Variants in HERC3 observed in about 807,000 individuals in gnomAD.
HERC3 encodes the protein HECT and RLD domain containing E3 ubiquitin protein ligase 3, also known as probable E3 ubiquitin-protein ligase HERC3.
HERC3 carries 58 observed loss-of-function variants against 129.9 expected under a neutral mutation model. That is an observed-to-expected ratio of 0.45 (90% CI 0.36 to 0.56). The LOEUF is 0.56. Ranked by LOEUF, HERC3 falls within the 20% of genes least tolerant of loss-of-function variation. The pLI, the probability that HERC3 is intolerant of heterozygous loss-of-function variation, is 0.00. For synonymous variants in HERC3, 430 were observed against 451.0 expected, an observed-to-expected ratio of 0.95 and a Z score of 0.59; for missense variants, 835 against 1,244.2, an observed-to-expected ratio of 0.67 and a Z score of 4.95.
At chr4:88,545,140 G>C in the HERC3 span, among the ~76,000 whole-genome samples, 1 of 152,118 alleles carries the variant, frequency 6.6e-6, no homozygotes, top group Non-Finnish European at 1.5e-5. Context: ...ACACAGTCCT[G>C]TCCATATCAC....
At chr4:88,693,604 C>T (rs1446747683) in intron 23 of HERC3, 1 of 949,108 alleles carries the variant, frequency 1.1e-6, no homozygotes. Flanking sequence ...CTGAATTGTT[C>T]CCTTTAAAAT....
intron 3 of HERC3, among the ~76,000 whole-genome samples, chr4:88,642,094 G>GCA (rs1341119833): frequency 7.2e-6 from 1 of 139,220 alleles, no homozygotes; most frequent in Non-Finnish European, 1.5e-5. Context: ...TCACACCATT[G>GCA]CACTCCAGCT....
In HERC3 at chr4:88,668,010, A is replaced by G. The variant is rs1288430571; in HGVS notation, c.1562A>G (p.Tyr521Cys). ...TTTCCCCTACTCCAGGATTCCAAGTATTATATAACATTGACTATTCCCTTG... is the reference window on the plus strand; with the variant it reads ...TTTCCCCTACTCCAGGATTCCAAGTGTTATATAACATTGACTATTCCCTTG... ...PEFPLLQDSK[Y>C]YITLTIPLAM... Residue 521 changes from tyrosine (Y) to cysteine (C), a missense_variant, in exon 14 of 26, where the codon TAT becomes TGT. Coordinates refer to ENST00000402738, the MANE Select transcript of HERC3 (RefSeq NM_014606.3). 6.2e-7 allele frequency: 1 copy of G among 1,613,538 alleles called. No homozygotes were observed. Among genetic ancestry groups the G allele is most frequent in the Non-Finnish European group, 8.5e-7 (1 of 1,179,496 alleles).
At chr4:88,623,129 G>A (rs1725723695) in intron 3 of HERC3, among the ~76,000 whole-genome samples, 1 of 152,200 alleles carries the variant, frequency 6.6e-6, no homozygotes, top group African/African-American at 2.4e-5. Flanking sequence ...ATGTAATGAT[G>A]AAACTTAACA....
intron 3 of HERC3, among the ~76,000 whole-genome samples, chr4:88,612,401 G>C (rs1002084061): frequency 6.6e-6 from 1 of 151,720 alleles, no homozygotes; most frequent in Non-Finnish European, 1.5e-5. Context: ...TATTTTCCCA[G>C]TGTGTCAGGC....
the HERC3 span, among the ~76,000 whole-genome samples, chr4:88,568,414 G>A: frequency 3.9e-5 from 6 of 152,222 alleles, no homozygotes; most frequent in Admixed American, 3.9e-4. Flanking sequence ...TCATCCATGA[G>A]CCAGGGCCTG....
chr4:88,655,284 A>G lies in HERC3; in HGVS notation c.888A>G (p.Val296=). 6.2e-7 allele frequency: 1 copy of G among 1,613,878 alleles called. No homozygotes were observed. The highest frequency in any genetic ancestry group is 8.5e-7 in the Non-Finnish European group (1 of 1,179,812). The part of the protein sequence containing the change: ...RRVLELMGSE[V]TQIACGRQHT... ...TTCTAGAGCTGATGGGTAGTGAAGT[A>G]ACTCAAATTGCTTGTGGCAGGTGAG... The change falls in exon 8 of 26, where the codon GTA becomes GTG. Residue 296 remains valine, a synonymous_variant. Transcript: ENST00000402738.
chr4:88,560,549 C>G, the HERC3 span, among the ~76,000 whole-genome samples: 61,332 of 151,870 alleles, frequency 0.4, 14,763 homozygotes, highest in African/African-American at 0.68. Flanking sequence ...ATTTCTTTTT[C>G]CTGATTATTT....
the HERC3 span, among the ~76,000 whole-genome samples, chr4:88,536,514 T>G: frequency 3.9e-5 from 6 of 152,226 alleles, no homozygotes; most frequent in Admixed American, 6.5e-5. Flanking sequence ...ACAAGTATTC[T>G]TTTATATGTC....
At chr4:88,627,042 T>G (rs2149232408) in intron 3 of HERC3, among the ~76,000 whole-genome samples, 1 of 152,270 alleles carries the variant, frequency 6.6e-6, no homozygotes, top group African/African-American at 2.4e-5. Flanking sequence ...TAAAATATCC[T>G]TTTAAGTATC....
chr4:88,546,541 G>A, the HERC3 span, among the ~76,000 whole-genome samples: 2 of 125,018 alleles, frequency 1.6e-5, no homozygotes, highest in African/African-American at 6.1e-5. Flanking sequence ...TCTTGGTCTT[G>A]CTCTGTCACC....
intron 3 of HERC3, among the ~76,000 whole-genome samples, chr4:88,646,004 A>G (rs972312503): frequency 2.0e-5 from 3 of 152,200 alleles, no homozygotes; most frequent in African/African-American, 7.2e-5. Flanking sequence ...TACCAATTTA[A>G]AATCTATCTA....
At chr4:88,587,954 C>T (rs1187873963), upstream of HERC3, among the ~76,000 whole-genome samples, 30 of 152,240 alleles carry the variant, frequency 2.0e-4, no homozygotes, top group African/African-American at 1.4e-4. Flanking sequence ...GGAACCTTCA[C>T]GAAATACTTC....
At chr4:88,537,492 G>T in the HERC3 span, among the ~76,000 whole-genome samples, 1 of 152,094 alleles carries the variant, frequency 6.6e-6, no homozygotes, top group South Asian at 2.1e-4. Flanking sequence ...GTCATTTTTA[G>T]TGCATCCTAC....
intron 23 of HERC3, among the ~76,000 whole-genome samples, chr4:88,692,035 G>A (rs777574404): frequency 1.3e-5 from 2 of 152,078 alleles, no homozygotes; most frequent in Non-Finnish European, 2.9e-5. Context: ...TCTATCCTTG[G>A]ACAGAACCTA....
intron 2 of HERC3, among the ~76,000 whole-genome samples, chr4:88,604,128 C>G (rs1032235253): frequency 6.6e-6 from 1 of 152,106 alleles, no homozygotes; most frequent in Non-Finnish European, 1.5e-5. Context: ...TCAAGCGATT[C>G]TCCTACCTCA....
chr4:88,582,182 A>C, the HERC3 span, among the ~76,000 whole-genome samples: 2 of 152,210 alleles, frequency 1.3e-5, no homozygotes, highest in Non-Finnish European at 2.9e-5. Flanking sequence ...ATAGACTAAA[A>C]TGAATAGTTT....
At chr4:88,585,912 G>C in the HERC3 span, among the ~76,000 whole-genome samples, 1 of 152,058 alleles carries the variant, frequency 6.6e-6, no homozygotes, top group East Asian at 1.9e-4. Flanking sequence ...TAATAAGAAA[G>C]ATTTTTTAAA....
intron 8 of HERC3, 59 bp downstream of exon 8, chr4:88,655,363 T>C (rs1255560535): frequency 1.3e-6 from 2 of 1,586,568 alleles, no homozygotes; most frequent in African/African-American, 2.7e-5. Flanking sequence ...GTCTTATCTT[T>C]GTAGTGATGA....
Sources: allele counts gnomAD v4.1 joint callset (sites outside exome capture counted in the v4.1 genomes callset), GRCh38; gene constraint gnomAD v4.1.1; transcripts MANE v1.5; gene names NCBI Gene and HGNC (gene_info 2026-07-23, HGNC 2026-07-21).